Variants in PCP4 observed in about 807,000 individuals in gnomAD.
The protein encoded by PCP4 is Purkinje cell protein 4.
A neutral mutation model predicts 10.0 loss-of-function variants in PCP4; 8 were observed. The observed-to-expected ratio is 0.80, with a 90% CI of 0.47 to 1.45. The LOEUF is 1.45. PCP4 is among the 40% of genes most tolerant of loss of function. The pLI, the probability that PCP4 is intolerant of heterozygous loss-of-function variation, is 0.00. For synonymous variants in PCP4, 21 were observed against 23.0 expected (o/e 0.91, Z 0.24); for missense variants, 54 against 74.4 (o/e 0.73, Z 1.01).
intron 1 of PCP4, among the ~76,000 whole-genome samples, chr21:39,879,686 G>T (rs1209533052): frequency 6.6e-6 from 1 of 152,162 alleles, no homozygotes; most frequent in Admixed American, 6.5e-5. Flanking sequence ...GGCAGATACT[G>T]GCAGAAGTGA....
chr21:39,900,158 T>C (rs57267968), intron 2 of PCP4, among the ~76,000 whole-genome samples: 35,607 of 151,942 alleles, frequency 0.23, 4,930 homozygotes, highest in African/African-American at 0.38. Context: ...CCTCAGCCTC[T>C]TGAGTAGCTG....
intron 1 of PCP4, among the ~76,000 whole-genome samples, chr21:39,896,204 A>T (rs1306105140): frequency 6.6e-6 from 1 of 152,250 alleles, no homozygotes; most frequent in Admixed American, 6.5e-5. Flanking sequence ...GCATTTAAAG[A>T]CTGTGGGGTT....
chr21:39,905,442 A>G (rs1258431272), intron 2 of PCP4, among the ~76,000 whole-genome samples: 3 of 152,198 alleles, frequency 2.0e-5, no homozygotes, highest in Admixed American at 2.0e-4. Flanking sequence ...ATTTAAAGCC[A>G]TCGCAGTCTC....
chr21:39,898,166 A>G (rs2146337433), intron 1 of PCP4, among the ~76,000 whole-genome samples: 1 of 152,292 alleles, frequency 6.6e-6, no homozygotes. Flanking sequence ...TAGCTGATAC[A>G]GAACCTTGGC....
chr21:39,870,001 T>C (rs1352205581), intron 1 of PCP4, among the ~76,000 whole-genome samples: 1 of 152,272 alleles, frequency 6.6e-6, no homozygotes, highest in East Asian at 1.9e-4. Context: ...CTGCAGAGGC[T>C]CCGGAGCTCA....
intron 1 of PCP4, among the ~76,000 whole-genome samples, chr21:39,885,096 A>G (rs1294872181): frequency 2.0e-5 from 3 of 152,204 alleles, no homozygotes; most frequent in Non-Finnish European, 2.9e-5. Flanking sequence ...AGAGTGACCT[A>G]TGTTCCTGGT....
chr21:39,904,322 CAA>C (rs2087496308), intron 2 of PCP4, among the ~76,000 whole-genome samples: 1 of 152,116 alleles, frequency 6.6e-6, no homozygotes, highest in Non-Finnish European at 1.5e-5. Context: ...GATTATCTTT[CAA>C]GACCTACGTG....
At chr21:39,882,877 C>A (rs1309441741) in intron 1 of PCP4, among the ~76,000 whole-genome samples, 1 of 152,212 alleles carries the variant, frequency 6.6e-6, no homozygotes, top group Non-Finnish European at 1.5e-5. Flanking sequence ...GGAGAGAAAT[C>A]GAATCTCTTC....
intron 2 of PCP4, among the ~76,000 whole-genome samples, chr21:39,901,090 G>A (rs999609645): frequency 6.6e-6 from 1 of 152,196 alleles, no homozygotes; most frequent in East Asian, 1.9e-4. Flanking sequence ...ACAGAGGACA[G>A]CTGGATTTTC....
chr21:39,900,423 T>A (rs987237922), intron 2 of PCP4, among the ~76,000 whole-genome samples: 9 of 152,158 alleles, frequency 5.9e-5, no homozygotes, highest in African/African-American at 2.2e-4. Flanking sequence ...TATCTATTGA[T>A]GTTTGTCATG....
intron 1 of PCP4, among the ~76,000 whole-genome samples, chr21:39,875,600 C>T (rs1337030094): frequency 6.6e-6 from 1 of 152,176 alleles, no homozygotes; most frequent in African/African-American, 2.4e-5. Context: ...TATGACTTTC[C>T]ACAATTGTGG....
chr21:39,898,006 G>A (rs998091843), intron 1 of PCP4, among the ~76,000 whole-genome samples: 37 of 135,526 alleles, frequency 2.7e-4, no homozygotes, highest in South Asian at 9.3e-4. Context: ...AGATTGCGCC[G>A]CTGCACTCCA....
In PCP4 at chr21:39,882,062, G is replaced by GA. The variant is rs1415073521; in HGVS notation, c.9+14558dup. 2.0e-5 allele frequency among the ~76,000 whole-genome samples: 3 copies of GA among 152,278 alleles called. No homozygotes were observed. In the East Asian group the frequency reaches 5.8e-4, roughly 29 times the overall value. ...GTGTTTAGCTGCTCTTACTATGACT[G>GA]AAAAAACATAGCTGCTTGCATTTGC... On this transcript the variant is annotated intron_variant, in intron 1 of 2. Transcript: ENST00000328619.
intron 2 of PCP4, among the ~76,000 whole-genome samples, chr21:39,904,327 C>T (rs947891266): frequency 6.6e-6 from 1 of 152,106 alleles, no homozygotes; most frequent in Admixed American, 6.6e-5. Flanking sequence ...TCTTTCAAGA[C>T]CTACGTGCTG....
chr21:39,913,819 C>T (rs571210954), intron 2 of PCP4, among the ~76,000 whole-genome samples: 12 of 152,258 alleles, frequency 7.9e-5, no homozygotes, highest in East Asian at 1.9e-4. Context: ...ACCCGTCTAC[C>T]GAATAGTCTT....
chr21:39,917,977 G>A (rs915983468), intron 2 of PCP4, among the ~76,000 whole-genome samples: 1 of 152,124 alleles, frequency 6.6e-6, no homozygotes, highest in Non-Finnish European at 1.5e-5. Flanking sequence ...ATCCTCATGT[G>A]AGGACACAGA....
chr21:39,924,975 G>T (rs2087613842), intron 2 of PCP4, among the ~76,000 whole-genome samples: 1 of 152,164 alleles, frequency 6.6e-6, no homozygotes, highest in East Asian at 1.9e-4. Flanking sequence ...CTGGCCCAGG[G>T]GCATGAGGGT....
At chr21:39,869,369 G>A (rs1219341437) in intron 1 of PCP4, among the ~76,000 whole-genome samples, 1 of 152,236 alleles carries the variant, frequency 6.6e-6, no homozygotes, top group Non-Finnish European at 1.5e-5. Flanking sequence ...CTGCTGAACG[G>A]GTAATCAGGG....
chr21:39,920,939 A>G (rs527495344), intron 2 of PCP4, among the ~76,000 whole-genome samples: 1 of 152,290 alleles, frequency 6.6e-6, no homozygotes, highest in East Asian at 1.9e-4. Flanking sequence ...CCACCTGACA[A>G]TCTTACCTCA....
Sources: gnomAD v4.1 joint callset for allele counts (sites outside exome capture counted in the v4.1 genomes callset) on GRCh38, gnomAD v4.1.1 for gene constraint, MANE v1.5 for transcripts, NCBI Gene and HGNC (gene_info 2026-07-23, HGNC 2026-07-21) for gene names.